KCNT1: variants seen among roughly 807,000 people sequenced by gnomAD.
KCNT1 encodes the protein potassium channel subfamily T member 1.
A neutral mutation model predicts 147.8 loss-of-function variants in KCNT1; 78 were observed. The observed-to-expected ratio is 0.53, with a 90% CI of 0.44 to 0.64. The LOEUF is 0.64. KCNT1 is among the 30% of genes least tolerant of loss of function. The pLI is 0.00. For synonymous variants in KCNT1, 867 were observed against 748.8 expected, an observed-to-expected ratio of 1.16 and a Z score of -2.58; for missense variants, 1,419 against 1,750.3, an observed-to-expected ratio of 0.81 and a Z score of 3.38.
At chr9:135,788,051 T>G (rs1358383720) in intron 29 of KCNT1, 7 of 1,345,044 alleles carry the variant, frequency 5.2e-6, no homozygotes, top group Non-Finnish European at 7.3e-6. Flanking sequence ...CTTGCTGATA[T>G]TCTCTCTCTC....
intron 20 of KCNT1, among the ~76,000 whole-genome samples, chr9:135,775,765 G>A (rs1015512744): frequency 2.0e-5 from 3 of 152,022 alleles, no homozygotes; most frequent in African/African-American, 4.8e-5. Flanking sequence ...TTAGGACAGG[G>A]ACCCCGGCCC....
chr9:135,708,858 A>C (rs572469156), intron 1 of KCNT1, among the ~76,000 whole-genome samples: 1 of 152,328 alleles, frequency 6.6e-6, no homozygotes, highest in African/African-American at 2.4e-5. Flanking sequence ...AGCAATGTTA[A>C]GAGAAGTCTT....
intron 24 of KCNT1, among the ~76,000 whole-genome samples, chr9:135,780,610 G>A (rs1030353500): frequency 2.6e-5 from 4 of 152,198 alleles, no homozygotes; most frequent in African/African-American, 4.8e-5. Context: ...AGCCTGAGGC[G>A]TAGGGGGATG....
chr9:135,751,188 G>A, intron 4 of KCNT1, 147 bp downstream of exon 4: 1 of 747,214 alleles, frequency 1.3e-6, no homozygotes, highest in Admixed American at 2.3e-5. Flanking sequence ...GCCTGTCCCA[G>A]GATGGAAAAA....
chr9:135,773,982 A>C (rs1384211907), intron 19 of KCNT1, among the ~76,000 whole-genome samples: 1 of 150,038 alleles, frequency 6.7e-6, no homozygotes, highest in Non-Finnish European at 1.5e-5. Context: ...CTGTGGTGGG[A>C]GGAGAAAGAC....
At chr9:135,785,859 G>A (rs1834003309) in intron 28 of KCNT1, 1 of 455,526 alleles carries the variant, frequency 2.2e-6, no homozygotes, top group African/African-American at 2.0e-5. Flanking sequence ...AGGATGTGCT[G>A]GGGTCCAGAT....
intron 29 of KCNT1, among the ~76,000 whole-genome samples, chr9:135,787,781 C>T (rs532623713): frequency 1.7e-4 from 26 of 152,192 alleles, no homozygotes; most frequent in Non-Finnish European, 3.4e-4. Context: ...AGGGACTTCA[C>T]GCCCTTTCAG....
chr9:135,762,129 C>T (rs1252017066), intron 11 of KCNT1, among the ~76,000 whole-genome samples: 2 of 152,230 alleles, frequency 1.3e-5, no homozygotes, highest in South Asian at 4.1e-4. Flanking sequence ...GGGGAGCCCC[C>T]ACCTCCCCTT....
intron 2 of KCNT1, chr9:135,736,374 A>T (rs1830334701): frequency 6.6e-6 from 1 of 151,994 alleles, no homozygotes; most frequent in Non-Finnish European, 1.5e-5. Context: ...CCCGTGCGCG[A>T]CTGTCATTGT....
In KCNT1 at chr9:135,702,242, C is replaced by T; in HGVS notation, c.-17C>T. The T allele has an allele frequency of 3.8e-6, 6 of 1,593,540 alleles. No individual in the cohort carries two copies. The highest frequency in any genetic ancestry group is 5.2e-6 in the Non-Finnish European group (6 of 1,164,394). ...CACTCGCTTCTCCCTCGGGTCGGGT[C>T]CGAGCTGCCAGGCCGCATGCCACTC... On this transcript the variant is annotated 5_prime_UTR_variant, in exon 1 of 31. Coordinates refer to ENST00000371757, the MANE Select transcript of KCNT1 (RefSeq NM_020822.3).
intron 5 of KCNT1, among the ~76,000 whole-genome samples, chr9:135,754,717 G>T (rs950588615): frequency 7.9e-5 from 12 of 152,214 alleles, no homozygotes; most frequent in African/African-American, 2.9e-4. Flanking sequence ...ATTCATGGGA[G>T]CCCGGCTTCA....
chr9:135,737,448 C>G lies in KCNT1; in HGVS notation c.255-12650C>G, dbSNP rs541410612. ...GCAAATTCCTAGCCAGCACCTTTCC[C>G]GTGCCAGGAGCCGTTCTAGATGCTG... On this transcript the variant is annotated intron_variant, in intron 2 of 30. Coordinates refer to ENST00000371757, the MANE Select transcript of KCNT1 (RefSeq NM_020822.3). 2.6e-5 allele frequency among the ~76,000 whole-genome samples: 4 copies of G among 152,180 alleles called. No individual in the cohort carries two copies. In the East Asian group the frequency reaches 7.7e-4, roughly 29 times the overall value.
At chr9:135,770,100 G>T in intron 16 of KCNT1, 45 bp downstream of exon 16, 1 of 1,496,292 alleles carries the variant, frequency 6.7e-7, no homozygotes, top group Non-Finnish European at 9.1e-7. Context: ...TGGCGGGGCC[G>T]GCGCAGGGAG....
intron 2 of KCNT1, among the ~76,000 whole-genome samples, chr9:135,721,931 G>T (rs1409055148): frequency 6.6e-6 from 1 of 152,170 alleles, no homozygotes; most frequent in African/African-American, 2.4e-5. Context: ...TGTGGCTCCC[G>T]GGTGGGCTGC....
intron 28 of KCNT1, chr9:135,785,882 G>A (rs778418296): frequency 9.8e-5 from 47 of 479,334 alleles, no homozygotes; most frequent in Middle Eastern, 5.5e-4. Context: ...GTCCCAGGCC[G>A]GACCCACAGA....
Position 135,791,885 on chromosome 9 carries a change from A to C in KCNT1, c.3587+4A>C. 1 of 1,613,502 alleles carries C rather than the reference A, an allele frequency of 6.2e-7. No individual in the cohort carries two copies. Among genetic ancestry groups the C allele is most frequent in the Non-Finnish European group, 8.5e-7 (1 of 1,179,814 alleles). On this transcript the variant is annotated splice_donor_region_variant and intron_variant, in intron 30 of 30. Transcript: ENST00000371757. ...GGCTGGAGCCCAGTGACATTGTGTG[A>C]GTAGCACCTGTGGGCTGTGTGGAGA...
intron 2 of KCNT1, among the ~76,000 whole-genome samples, chr9:135,744,843 G>A (rs1057228855): frequency 1.3e-5 from 2 of 152,220 alleles, no homozygotes; most frequent in East Asian, 1.9e-4. Flanking sequence ...AGGCCTGCCC[G>A]CACATGCCCA....
chr9:135,784,218 G>C, intron 25 of KCNT1, 93 bp downstream of exon 25: 1 of 1,003,140 alleles, frequency 1.0e-6, no homozygotes, highest in East Asian at 2.4e-5. Context: ...CTGAATGATA[G>C]GACTCCCTCT....
At chr9:135,709,515 T>C (rs1281056750) in intron 1 of KCNT1, among the ~76,000 whole-genome samples, 1 of 152,014 alleles carries the variant, frequency 6.6e-6, no homozygotes, top group Non-Finnish European at 1.5e-5. Flanking sequence ...GGCTGGACAC[T>C]ACATGAGAGC....
Sources: gnomAD v4.1 joint callset for allele counts (sites outside exome capture counted in the v4.1 genomes callset) on GRCh38, gnomAD v4.1.1 for gene constraint, MANE v1.5 for transcripts, NCBI Gene and HGNC (gene_info 2026-07-23, HGNC 2026-07-21) for gene names.